Variants in WWOX observed in about 807,000 individuals in gnomAD.
The protein encoded by WWOX is WW domain containing oxidoreductase, also known as WW domain-containing oxidoreductase.
In WWOX, 69 loss-of-function variants were observed where a neutral mutation model predicts 46.2. That is an observed-to-expected ratio of 1.49 (90% CI 1.23 to 1.82). WWOX has a LOEUF of 1.82. WWOX is among the 40% of genes most tolerant of loss of function. The probability of loss-of-function intolerance (pLI) is 0.00; values close to 1 mark genes in which losing one functional copy is unlikely to be tolerated. For synonymous variants in WWOX, 359 were observed against 202.6 expected (o/e 1.77, Z -6.56); for missense variants, 919 against 542.6 (o/e 1.69, Z -6.89).
intron 8 of WWOX, chr16:78,535,320 G>A (rs1190781049): frequency 6.6e-6 from 1 of 152,196 alleles, no homozygotes; most frequent in East Asian, 1.9e-4. Flanking sequence ...TCTGAGTCCG[G>A]GAGATGGATG....
chr16:78,133,610 G>A (rs1597247514), intron 4 of WWOX, among the ~76,000 whole-genome samples: 1 of 152,112 alleles, frequency 6.6e-6, no homozygotes, highest in East Asian at 1.9e-4. Context: ...TGGCCAGGCT[G>A]GTCTGGAACT....
intron 8 of WWOX, among the ~76,000 whole-genome samples, chr16:79,193,936 T>C (rs2051188334): frequency 1.3e-5 from 2 of 152,180 alleles, no homozygotes; most frequent in Non-Finnish European, 2.9e-5. Flanking sequence ...GGACGTGAGT[T>C]TGGATCCCAG....
At chr16:78,982,656 G>GCGGAAGGACTAATATTTCTGGTT (rs1409303213) in intron 8 of WWOX, among the ~76,000 whole-genome samples, 3 of 152,176 alleles carry the variant, frequency 2.0e-5, no homozygotes, top group African/African-American at 7.2e-5. Context: ...TATTTCTGGT[G>GCGGAAGGACTAATATTTCTGGTT]CAGGAGGACT....
At chr16:78,531,904 A>T (rs954565129) in intron 8 of WWOX, among the ~76,000 whole-genome samples, 1 of 152,150 alleles carries the variant, frequency 6.6e-6, no homozygotes, top group Non-Finnish European at 1.5e-5. Flanking sequence ...AAACCTGCCA[A>T]CTACAATAAC....
At chr16:78,848,479 C>G (rs900998521) in intron 8 of WWOX, among the ~76,000 whole-genome samples, 1 of 152,142 alleles carries the variant, frequency 6.6e-6, no homozygotes, top group Non-Finnish European at 1.5e-5. Flanking sequence ...AGAGAGAGCT[C>G]AGGAGCGACT....
intron 5 of WWOX, among the ~76,000 whole-genome samples, chr16:78,274,534 G>A (rs902556647): frequency 3.9e-5 from 6 of 152,138 alleles, no homozygotes; most frequent in African/African-American, 1.4e-4. Context: ...TTCTGGGTCA[G>A]TTTGCCCTTC....
intron 8 of WWOX, among the ~76,000 whole-genome samples, chr16:78,537,834 G>A (rs1291270864): frequency 1.3e-5 from 2 of 152,104 alleles, no homozygotes; most frequent in African/African-American, 2.4e-5. Flanking sequence ...ATCCACCCAC[G>A]TGTTGGTGCC....
At chr16:78,162,392 A>G (rs534875165) in intron 4 of WWOX, among the ~76,000 whole-genome samples, 5 of 151,884 alleles carry the variant, frequency 3.3e-5, no homozygotes, top group Admixed American at 6.5e-5. Context: ...GTATGTGTAT[A>G]TATGTGTATC....
At chr16:78,104,091 G>C (rs936783906) in intron 1 of WWOX, among the ~76,000 whole-genome samples, 1 of 152,038 alleles carries the variant, frequency 6.6e-6, no homozygotes, top group South Asian at 2.1e-4. Flanking sequence ...TGTCAGAGCC[G>C]TCCTTGTTTG....
chr16:78,133,642 C>G (rs868540423), intron 4 of WWOX, among the ~76,000 whole-genome samples: 1 of 152,202 alleles, frequency 6.6e-6, no homozygotes, highest in Non-Finnish European at 1.5e-5. Context: ...GTGATCCACC[C>G]GCCTCGGCCT....
chr16:78,579,044 T>C (rs1258792770), intron 8 of WWOX, among the ~76,000 whole-genome samples: 1 of 152,142 alleles, frequency 6.6e-6, no homozygotes, highest in Admixed American at 6.5e-5. Flanking sequence ...GCCCTTTTCG[T>C]AGGTTTTTGT....
chr16:78,240,914 C>T (rs1288679988), intron 5 of WWOX, among the ~76,000 whole-genome samples: 2 of 152,050 alleles, frequency 1.3e-5, no homozygotes, highest in Non-Finnish European at 1.5e-5. Flanking sequence ...GGAGAGACTC[C>T]AAGAATGAAT....
At chr16:78,538,142 T>C (rs1394022159) in intron 8 of WWOX, among the ~76,000 whole-genome samples, 1 of 142,474 alleles carries the variant, frequency 7.0e-6, no homozygotes, top group Non-Finnish European at 1.5e-5. Flanking sequence ...TGAAAGAAAA[T>C]TTAGTGATTG....
chr16:79,101,499 T>C (rs939289905), intron 8 of WWOX: 1 of 152,190 alleles, frequency 6.6e-6, no homozygotes, highest in Non-Finnish European at 1.5e-5. Context: ...CTACTCCCTA[T>C]TCCCATATCC....
At chr16:78,916,448 T>C (rs961649695) in intron 8 of WWOX, among the ~76,000 whole-genome samples, 2 of 152,306 alleles carry the variant, frequency 1.3e-5, no homozygotes, top group East Asian at 3.9e-4. Flanking sequence ...TAGCCACAAT[T>C]ATCGCTAAAG....
chr16:79,120,976 C>A (rs1426361230), intron 8 of WWOX, among the ~76,000 whole-genome samples: 1 of 152,070 alleles, frequency 6.6e-6, no homozygotes, highest in African/African-American at 2.4e-5. Flanking sequence ...ACCATGTTGG[C>A]CAGGCTGGTT....
chr16:78,138,494 A>G (rs751094139), intron 4 of WWOX, among the ~76,000 whole-genome samples: 4 of 152,180 alleles, frequency 2.6e-5, no homozygotes, highest in African/African-American at 9.7e-5. Flanking sequence ...CCTGAGTGCA[A>G]ATTCTTCCTA....
intron 8 of WWOX, among the ~76,000 whole-genome samples, chr16:78,979,828 A>T (rs571733427): frequency 6.6e-6 from 1 of 152,260 alleles, no homozygotes; most frequent in East Asian, 1.9e-4. Context: ...GTGGGTAGTG[A>T]TATAGAATAA....
intron 6 of WWOX, among the ~76,000 whole-genome samples, chr16:78,424,210 T>C (rs55762614): frequency 0.11 from 16,617 of 148,860 alleles, 1,097 homozygotes; most frequent in East Asian, 0.23. Context: ...CTCTGCCTCC[T>C]GGGTTCAAGT....
Sources: allele counts gnomAD v4.1 joint callset (sites outside exome capture counted in the v4.1 genomes callset), GRCh38; gene constraint gnomAD v4.1.1; transcripts MANE v1.5; gene names NCBI Gene and HGNC (gene_info 2026-07-23, HGNC 2026-07-21).